FBXO42: variants seen among roughly 807,000 people sequenced by gnomAD.
FBXO42 encodes the protein F-box only protein 42.
In FBXO42, 12 loss-of-function variants were observed where a neutral mutation model predicts 71.7. The ratio of observed to expected loss-of-function variants is 0.17; its 90% CI spans 0.11 to 0.27. The LOEUF (loss-of-function observed/expected upper bound fraction) is 0.27, where lower values mean the gene tolerates loss of function less well. Among genes scored for constraint, FBXO42 ranks in the 10% least tolerant of loss-of-function variants. FBXO42 has a pLI of 1.00. For synonymous variants in FBXO42, 325 were observed against 327.5 expected (o/e 0.99, Z 0.08); for missense variants, 707 against 911.9 (o/e 0.78, Z 2.89).
chr1:16,300,960 A>G (rs1441108465), intron 3 of FBXO42, among the ~76,000 whole-genome samples: 1 of 133,860 alleles, frequency 7.5e-6, no homozygotes, highest in Non-Finnish European at 1.5e-5. Context: ...GTGCAGTGGC[A>G]TAATCTTGGC....
chr1:16,302,105 A>T (rs1021465573), intron 3 of FBXO42, among the ~76,000 whole-genome samples: 1 of 152,198 alleles, frequency 6.6e-6, no homozygotes, highest in African/African-American at 2.4e-5. Flanking sequence ...TAATGGAGGA[A>T]GGTATGAATA....
intron 1 of FBXO42, among the ~76,000 whole-genome samples, chr1:16,340,100 C>T (rs2082588054): frequency 6.6e-6 from 1 of 151,658 alleles, no homozygotes; most frequent in South Asian, 2.1e-4. Context: ...GGCGTGAACC[C>T]GGGATGCGGA....
intron 3 of FBXO42, among the ~76,000 whole-genome samples, chr1:16,305,029 C>T (rs900634652): frequency 1.3e-5 from 2 of 152,166 alleles, no homozygotes; most frequent in Admixed American, 1.3e-4. Flanking sequence ...TAGGCTGACA[C>T]TTTTCCCTAA....
At chr1:16,270,708 A>AAAATAAAG (rs1553150226) in intron 4 of FBXO42, among the ~76,000 whole-genome samples, 1 of 85,160 alleles carries the variant, frequency 1.2e-5, no homozygotes, top group Non-Finnish European at 2.2e-5. Context: ...AAAAGAAAAG[A>AAAATAAAG]AAGAAGAAAA....
intron 1 of FBXO42, among the ~76,000 whole-genome samples, chr1:16,337,883 C>CAAAAAAAAAAAAAAAAAAAAAAAAAA (rs60328879): frequency 7.7e-5 from 3 of 38,852 alleles, no homozygotes; most frequent in Admixed American, 5.0e-4. Context: ...GACTCCGTCT[C>CAAAAAAAAAAAAAAAAAAAAAAAAAA]AAAAAAAAAA....
chr1:16,325,936 T>C lies in FBXO42; in HGVS notation c.-17-10501A>G, dbSNP rs973174356. 3.9e-5 allele frequency among the ~76,000 whole-genome samples: 6 copies of C among 151,954 alleles called. No homozygotes were observed. The East Asian group carries it at 1.2e-3, about 30-fold the overall frequency. On this transcript the variant is annotated intron_variant, in intron 1 of 9. Coordinates refer to ENST00000375592, the MANE Select transcript of FBXO42 (RefSeq NM_018994.3). ...CCACCACACCTGGCCGAAAATTTCATATGGAGAACCATACGTTTTAAATTC... is the reference window on the plus strand; with the variant it reads ...CCACCACACCTGGCCGAAAATTTCACATGGAGAACCATACGTTTTAAATTC...
At chr1:16,281,723 C>A (rs530093763) in intron 4 of FBXO42, among the ~76,000 whole-genome samples, 334 of 150,352 alleles carry the variant, frequency 2.2e-3, no homozygotes, top group African/African-American at 7.8e-3. Flanking sequence ...CAGTGGCAAT[C>A]TTGGCTCACT....
chr1:16,263,638 G>A (rs1278019179), intron 4 of FBXO42, among the ~76,000 whole-genome samples: 1 of 151,078 alleles, frequency 6.6e-6, no homozygotes, highest in South Asian at 2.1e-4. Flanking sequence ...CAGGAGAAAC[G>A]CTTGAACCCG....
At chr1:16,256,543 C>A (rs1052726695) in intron 5 of FBXO42, 63 bp downstream of exon 5, 26 of 1,469,338 alleles carry the variant, frequency 1.8e-5, no homozygotes, top group Non-Finnish European at 2.3e-5. Flanking sequence ...CACAAAAAAA[C>A]AAAGAATCCA....
At chr1:16,268,178 A>G (rs957629928) in intron 4 of FBXO42, among the ~76,000 whole-genome samples, 1 of 152,200 alleles carries the variant, frequency 6.6e-6, no homozygotes, top group Non-Finnish European at 1.5e-5. Context: ...AGTGAAAACA[A>G]TGTTACCAGT....
intron 1 of FBXO42, among the ~76,000 whole-genome samples, chr1:16,320,258 G>C (rs1271905746): frequency 6.6e-6 from 1 of 151,442 alleles, no homozygotes; most frequent in African/African-American, 2.4e-5. Flanking sequence ...CTACTCGGGA[G>C]GCTGAGGCAG....
At chr1:16,276,573 A>G (rs1022643250) in intron 4 of FBXO42, among the ~76,000 whole-genome samples, 1 of 152,176 alleles carries the variant, frequency 6.6e-6, no homozygotes, top group African/African-American at 2.4e-5. Context: ...ACTCAGGGAT[A>G]GTATCTTGCG....
chr1:16,333,904 A>T lies in FBXO42; in HGVS notation c.-18+18351T>A, dbSNP rs190236970. 7.5e-4 allele frequency among the ~76,000 whole-genome samples: 114 copies of T among 152,308 alleles called. 1 individual carries two copies. Among genetic ancestry groups the T allele is most frequent in the African/African-American group, 2.7e-3 (111 of 41,576 alleles). On this transcript the variant is annotated intron_variant, in intron 1 of 9. Transcript: ENST00000375592. ...GATGGAATCCAGAAAACTAATTTCC[A>T]TCTCTGACCTTCTATAAATTTGCTA...
chr1:16,321,995 C>T (rs1160623685), intron 1 of FBXO42, among the ~76,000 whole-genome samples: 1 of 151,442 alleles, frequency 6.6e-6, no homozygotes, highest in Non-Finnish European at 1.5e-5. Context: ...ATGGCGAAAC[C>T]CTGTCTCTAC....
At position 16,251,729 on chromosome 1, in the gene FBXO42, G is replaced by A; in HGVS notation, c.1095C>T (p.Ser365=). 2 of 1,614,184 alleles carry A rather than the reference G, an allele frequency of 1.2e-6. No individual in the cohort carries two copies. Among genetic ancestry groups the A allele is most frequent in the Non-Finnish European group, 8.5e-7 (1 of 1,180,042 alleles). ...SQAPSGRAPL[S]PSLNSRPSPI... ...GTGATGGGCGAGAGTTCAAACTGGG[G>A]CTGAGTGGGGCTCTCCCACTAGGAG... Residue 365 remains serine (S), a synonymous_variant, in exon 10 of 10, where the codon AGC becomes AGT. Coordinates refer to ENST00000375592, the MANE Select transcript of FBXO42 (RefSeq NM_018994.3). This position sits in a 1 kb window ranked among gnomAD's most constrained non-coding sequence, Gnocchi z 4.5.
At chr1:16,342,555 C>T (rs541360069) in intron 1 of FBXO42, among the ~76,000 whole-genome samples, 25 of 145,884 alleles carry the variant, frequency 1.7e-4, no homozygotes, top group African/African-American at 5.8e-4. Flanking sequence ...GCACTCCAGT[C>T]TGGGAGGCAG....
chr1:16,349,775 T>C (rs943796891), intron 1 of FBXO42, among the ~76,000 whole-genome samples: 2 of 152,144 alleles, frequency 1.3e-5, no homozygotes, highest in African/African-American at 2.4e-5. Context: ...GGCAGGAGAA[T>C]CGCCTGAACC....
chr1:16,297,706 C>CA (rs56659512), intron 3 of FBXO42, among the ~76,000 whole-genome samples: 4,325 of 141,670 alleles, frequency 0.031, 78 homozygotes, highest in African/African-American at 0.041. Flanking sequence ...ACTAAACATA[C>CA]AAAAAAAAAA....
Position 16,247,192 on chromosome 1 carries a change from C to A in FBXO42, c.*3478G>T, listed in dbSNP as rs1260562813. The stretch of plus-strand genomic sequence containing the variant: ...AGGGAGCCACTTACTGGTAACCATG[C>A]AGAACATGCCTTCTGCAGTTCATGG... On this transcript the variant is annotated 3_prime_UTR_variant, in exon 10 of 10. Transcript: ENST00000375592. 6.6e-6 allele frequency: 1 copy of A among 152,234 alleles called. No homozygotes were observed. The highest frequency in any genetic ancestry group is 1.5e-5 in the Non-Finnish European group (1 of 68,052). 9.4% of individuals were successfully genotyped at this position (152,234 alleles called of 1,614,324 possible).
Sources: gnomAD v4.1 joint callset for allele counts (sites outside exome capture counted in the v4.1 genomes callset) on GRCh38, gnomAD v4.1.1 for gene constraint, Gnocchi (gnomAD v3.1) non-coding constraint, MANE v1.5 for transcripts, NCBI Gene and HGNC (gene_info 2026-07-23, HGNC 2026-07-21) for gene names.